SGSM3: variants seen among roughly 807,000 people sequenced by gnomAD.
SGSM3 encodes the protein RUN and SH3 containing 3.
Under a neutral mutation model 100.5 loss-of-function variants are expected in SGSM3, and 96 were observed. The ratio of observed to expected loss-of-function variants is 0.96; its 90% CI spans 0.81 to 1.13. The LOEUF is 1.13. Ranked by LOEUF, SGSM3 falls within the 50% of genes most tolerant of loss-of-function variation. SGSM3 has a pLI of 0.00. For synonymous variants in SGSM3, 483 were observed against 422.8 expected (o/e 1.14, Z -1.75); for missense variants, 1,001 against 1,015.8 (o/e 0.99, Z 0.20).
chr22:40,407,465 AC>A lies in SGSM3; in HGVS notation c.1422del (p.Tyr474Ter). 1 of 1,612,432 alleles carries A rather than the reference AC, an allele frequency of 6.2e-7. No homozygotes were observed. Among genetic ancestry groups the A allele is most frequent in the Non-Finnish European group, 8.5e-7 (1 of 1,179,950 alleles). Reference sequence around the variant, plus strand: ...AGCCACCAGCGGGACCACGAGAACTACGTGGCGTGCTCACGCAGCCACCGGC... The same window carrying A: ...AGCCACCAGCGGGACCACGAGAACTAGTGGCGTGCTCACGCAGCCACCGGC... ...MESHQRDHENYVACSRSHRRR... is the reference protein window; with the variant it reads ...MESHQRDHENXVACSRSHRRR... On this transcript the variant is annotated frameshift_variant, in exon 13 of 22. Transcript: ENST00000248929. LOFTEE classifies it high-confidence loss of function. The surrounding 1 kb of genome is among the most constrained non-coding windows in gnomAD (Gnocchi z 4.7).
chr22:40,372,213 G>C (rs1372690893), intron 1 of SGSM3, among the ~76,000 whole-genome samples: 1 of 134,200 alleles, frequency 7.5e-6, no homozygotes, highest in East Asian at 2.3e-4. Flanking sequence ...TGCAAGCTCT[G>C]CCTCCCGGGT....
intron 4 of SGSM3, among the ~76,000 whole-genome samples, chr22:40,403,225 T>A (rs1158789771): frequency 5.9e-5 from 9 of 152,234 alleles, no homozygotes; most frequent in Admixed American, 5.2e-4. Flanking sequence ...GTAGGTAAAG[T>A]CATTAAAGTT....
intron 8 of SGSM3, 33 bp downstream of exon 8, chr22:40,405,877 T>C: frequency 6.3e-7 from 1 of 1,589,666 alleles, no homozygotes; most frequent in Non-Finnish European, 8.6e-7. Context: ...GCTCCCATTC[T>C]GCAGCTTGGA....
chr22:40,389,599 A>AG (rs1319934042), intron 1 of SGSM3, among the ~76,000 whole-genome samples: 2 of 77,872 alleles, frequency 2.6e-5, no homozygotes, highest in Admixed American at 1.5e-4. Context: ...ACTCCGTCTC[A>AG]GAAAAAAAAA....
chr22:40,407,128 CAT>C lies in SGSM3; in HGVS notation c.1240+58_1240+59del, dbSNP rs2051677641. The C allele has an allele frequency of 1.2e-6, 2 of 1,611,332 alleles. No homozygotes were observed. The highest frequency in any genetic ancestry group is 2.2e-5 in the East Asian group (1 of 44,810). ...GCATGCGGGAGTCTGTCCTCACGCTCATGTGGACGTGGAGCTTCCTCCTCGGG... is the reference window on the plus strand; with the variant it reads ...GCATGCGGGAGTCTGTCCTCACGCTCGTGGACGTGGAGCTTCCTCCTCGGG... On this transcript the variant is annotated intron_variant, in intron 11 of 21. Transcript: ENST00000248929. This position sits in a 1 kb window ranked among gnomAD's most constrained non-coding sequence, Gnocchi z 4.7.
intron 1 of SGSM3, chr22:40,372,648 C>A (rs544863956): frequency 6.6e-6 from 1 of 152,082 alleles, no homozygotes; most frequent in African/African-American, 2.4e-5. Flanking sequence ...GAAATGAACC[C>A]GACATTAGGG....
At chr22:40,409,661 G>C in intron 21 of SGSM3, 21 bp from the exon 22 acceptor site, 1 of 1,613,278 alleles carries the variant, frequency 6.2e-7, no homozygotes, top group Non-Finnish European at 8.5e-7. Context: ...CCTGTGAGGT[G>C]AGGGGCTGCC....
At chr22:40,409,182 T>C in intron 19 of SGSM3, 68 bp from the exon 20 acceptor site, 1 of 1,555,600 alleles carries the variant, frequency 6.4e-7, no homozygotes, top group Non-Finnish European at 8.7e-7. Flanking sequence ...GGTCAGAGGC[T>C]TCCACCGTGG....
intron 19 of SGSM3, 29 bp downstream of exon 19, chr22:40,409,047 G>T: frequency 6.4e-7 from 1 of 1,554,728 alleles, no homozygotes. Flanking sequence ...TTGGAGGAGA[G>T]CCCTGGAGTG....
Position 40,408,967 on chromosome 22 carries a change from T to G in SGSM3, c.1937T>G (p.Val646Gly). The G allele has an allele frequency of 6.2e-7, 1 of 1,601,324 alleles. No homozygotes were observed. Among genetic ancestry groups the G allele is most frequent in the Non-Finnish European group, 8.5e-7 (1 of 1,173,840 alleles). ...TCTGTGAACGTGACCCACGATGCAG[T>G]GCATGCACAAATGGATGTGAAGCTC... The part of the protein sequence containing the change: ...VQSVNVTHDA[V>G]HAQMDVKLRS... Residue 646 changes from valine (V) to glycine (G), a missense_variant, in exon 19 of 22, where the codon GTG becomes GGG. Val to Gly is a moderately radical substitution (Grantham distance 109). Transcript: ENST00000248929.
chr22:40,409,629 A>G, intron 21 of SGSM3, 53 bp from the exon 22 acceptor site: 1 of 1,613,378 alleles, frequency 6.2e-7, no homozygotes. Flanking sequence ...GCGGTTAGGA[A>G]CTACCCCAGC....
chr22:40,394,955 GTAACTAA>G (rs1312080267), intron 1 of SGSM3, among the ~76,000 whole-genome samples: 1 of 151,998 alleles, frequency 6.6e-6, no homozygotes, highest in Non-Finnish European at 1.5e-5. Flanking sequence ...TCTGTTTTCT[GTAACTAA>G]TAATAACTGG....
intron 6 of SGSM3, 48 bp from the exon 7 acceptor site, chr22:40,405,093 G>A (rs9611340): frequency 1.2e-5 from 17 of 1,466,446 alleles, no homozygotes; most frequent in Admixed American, 2.5e-5. Flanking sequence ...CTCCCTCCCA[G>A]GGTGTCACAA....
In SGSM3 at chr22:40,406,556, C is replaced by T. The variant is rs751153813; in HGVS notation, c.1079C>T (p.Ser360Phe). Residue 360 changes from serine (S) to phenylalanine (F), a missense_variant, in exon 10 of 22, where the codon TCC becomes TTC. Coordinates refer to ENST00000248929, the MANE Select transcript of SGSM3 (RefSeq NM_015705.6). ...LLGVAMRLAG[S>F]LTDVAVETQR... ...GGGGTGGCCATGCGGCTGGCCGGCTCCCTCACCGATGTGGCCGTGGAGACT... is the reference window on the plus strand; with the variant it reads ...GGGGTGGCCATGCGGCTGGCCGGCTTCCTCACCGATGTGGCCGTGGAGACT... The T allele has an allele frequency of 2.5e-6, 4 of 1,612,976 alleles. No homozygotes were observed. The South Asian group carries it at 4.4e-5, about 18-fold the overall frequency.
rs71199285 is a variant in SGSM3 at position 40,405,924 on chromosome 22, G to GC, written c.814+86dup. The stretch of plus-strand genomic sequence containing the variant: ...GGTGGCCGAGTGGGGATAGGGCACA[G>GC]CCCCCCAACCATGGTCTTTGTCGCT... On this transcript the variant is annotated intron_variant, in intron 8 of 21. Transcript: ENST00000248929. 3.4e-6 allele frequency: 5 copies of GC among 1,489,724 alleles called. No homozygotes were observed. In the African/African-American group the frequency reaches 4.2e-5, roughly 12 times the overall value. 92.3% of individuals were successfully genotyped at this position (1,489,724 alleles called of 1,614,324 possible).
intron 1 of SGSM3, among the ~76,000 whole-genome samples, chr22:40,377,845 CAAA>C (rs35941683): frequency 2.1e-4 from 13 of 61,562 alleles, no homozygotes; most frequent in Admixed American, 6.6e-4. Context: ...GACCCTGTCT[CAAA>C]AAAAAAAAAA....
At chr22:40,408,724 G>T in intron 17 of SGSM3, 27 bp downstream of exon 17, 1 of 1,613,798 alleles carries the variant, frequency 6.2e-7, no homozygotes, top group South Asian at 1.1e-5. Context: ...TCTTCTGGTG[G>T]GGTCACCAGC....
At position 40,406,066 on chromosome 22, in the gene SGSM3, C is replaced by T. The variant is rs542872200; in HGVS notation, c.815-12C>T. On this transcript the variant is annotated splice_polypyrimidine_tract_variant and intron_variant, in intron 8 of 21. Transcript: ENST00000248929. ...ACCTCCTCCCCAGCGGCTTTGGCTC[C>T]TGTGTTTACAGAGCTGTCCCTGATC... 6.2e-5 allele frequency: 100 copies of T among 1,610,556 alleles called. 2 individuals are homozygous for T. In the South Asian group the frequency reaches 8.1e-4, roughly 13 times the overall value.
chr22:40,405,674 T>TGGA lies in SGSM3; in HGVS notation c.654_656dup (p.Glu218dup). On this transcript the variant is annotated inframe_insertion, in exon 8 of 22. Coordinates refer to ENST00000248929, the MANE Select transcript of SGSM3 (RefSeq NM_015705.6). The stretch of plus-strand genomic sequence containing the variant: ...GTGGCCGCCTGCCTCCTGCTGTTCC[T>TGGA]GGAGGAGGAGGACGCCTTCTGGATG... The TGGA allele has an allele frequency of 6.2e-7, 1 of 1,613,614 alleles. No homozygotes were observed. The highest frequency in any genetic ancestry group is 8.5e-7 in the Non-Finnish European group (1 of 1,179,812).
Sources: gnomAD v4.1 joint callset for allele counts (sites outside exome capture counted in the v4.1 genomes callset) on GRCh38, gnomAD v4.1.1 for gene constraint, Gnocchi (gnomAD v3.1) non-coding constraint, MANE v1.5 for transcripts, NCBI Gene and HGNC (gene_info 2026-07-23, HGNC 2026-07-21) for gene names.